RBFOX1: variants seen among roughly 807,000 people sequenced by gnomAD.
The protein encoded by RBFOX1 is RNA binding protein fox-1 homolog 1.
Under a neutral mutation model 57.7 loss-of-function variants are expected in RBFOX1, and 8 were observed. The ratio of observed to expected loss-of-function variants is 0.14; its 90% confidence interval spans 0.08 to 0.25. The LOEUF (loss-of-function observed/expected upper bound fraction) is 0.25, where lower values mean the gene tolerates loss of function less well. Among genes scored for constraint, RBFOX1 ranks in the 10% least tolerant of loss-of-function variants. RBFOX1 has a pLI of 1.00. For synonymous variants in RBFOX1, 326 were observed against 222.4 expected, an observed-to-expected ratio of 1.47 and a Z score of -4.15; for missense variants, 611 against 548.5, an observed-to-expected ratio of 1.11 and a Z score of -1.14.
intron 1 of RBFOX1, among the ~76,000 whole-genome samples, chr16:6,171,839 T>G (rs1427308674): frequency 2.0e-5 from 3 of 152,082 alleles, no homozygotes; most frequent in Non-Finnish European, 4.4e-5. Flanking sequence ...TTTATTCTTT[T>G]AAGACAGAGT....
intron 2 of RBFOX1, among the ~76,000 whole-genome samples, chr16:6,412,809 C>T (rs1056555992): frequency 1.3e-5 from 2 of 152,098 alleles, no homozygotes; most frequent in African/African-American, 4.8e-5. Flanking sequence ...ATTGTGAGCC[C>T]GACATGCTTA....
intron 1 of RBFOX1, among the ~76,000 whole-genome samples, chr16:6,096,228 C>T (rs2096243787): frequency 6.6e-6 from 1 of 151,940 alleles, no homozygotes; most frequent in East Asian, 1.9e-4. Context: ...CTGAATTATT[C>T]CATAGTGGGA....
At chr16:5,709,827 A>T (rs1325108776) in intron 3 of RBFOX1, among the ~76,000 whole-genome samples, 1 of 11,546 alleles carries the variant, frequency 8.7e-5, no homozygotes, top group African/African-American at 4.1e-4. Context: ...ATATATATAT[A>T]TATATATATA....
chr16:6,936,511 C>T (rs887902353), intron 3 of RBFOX1, among the ~76,000 whole-genome samples: 5 of 152,058 alleles, frequency 3.3e-5, no homozygotes, highest in African/African-American at 9.7e-5. Context: ...GACTATGTAT[C>T]CAGAAACGTA....
chr16:6,322,979 C>T (rs1403754446), intron 2 of RBFOX1, among the ~76,000 whole-genome samples: 1 of 152,184 alleles, frequency 6.6e-6, no homozygotes. Context: ...TACATTTCCC[C>T]TATGAATATC....
intron 4 of RBFOX1, among the ~76,000 whole-genome samples, chr16:7,225,625 A>G (rs1347284065): frequency 1.3e-5 from 2 of 151,736 alleles, no homozygotes; most frequent in African/African-American, 4.8e-5. Flanking sequence ...AAGATAACTA[A>G]GCTGTGGTGG....
chr16:6,651,693 A>G (rs559235859), intron 2 of RBFOX1, among the ~76,000 whole-genome samples: 10 of 152,290 alleles, frequency 6.6e-5, no homozygotes, highest in Non-Finnish European at 1.2e-4. Context: ...GGGTTTGGCA[A>G]TCTCACTTCT....
At chr16:6,633,578 G>C (rs1312023362) in intron 2 of RBFOX1, among the ~76,000 whole-genome samples, 1 of 152,192 alleles carries the variant, frequency 6.6e-6, no homozygotes, top group East Asian at 1.9e-4. Context: ...ACAGGCCTGA[G>C]ACACTGCGCC....
intron 1 of RBFOX1, among the ~76,000 whole-genome samples, chr16:6,175,717 G>C (rs1035212001): frequency 2.0e-5 from 3 of 152,164 alleles, no homozygotes; most frequent in Admixed American, 6.5e-5. Flanking sequence ...ATTTCTAAGT[G>C]GTTCCCCATT....
At position 6,183,524 on chromosome 16, in the gene RBFOX1, A is replaced by AAATAAATAAATAAATG. The variant is rs1306043659; in HGVS notation, c.-126-133468_-126-133467insAAATAAATAAATGAAT. On this transcript the variant is annotated intron_variant, in intron 1 of 15. Coordinates refer to ENST00000550418, the MANE Select transcript of RBFOX1 (RefSeq NM_018723.4). ...TAAATAAATAAATAAATAAATAAAT[A>AAATAAATAAATAAATG]AATGTAAGGAGAATAGGATATGTTC... 8.0e-5 allele frequency among the ~76,000 whole-genome samples: 12 copies of AAATAAATAAATAAATG among 150,488 alleles called. No homozygotes were observed. The East Asian group carries it at 2.1e-3, about 27-fold the overall frequency.
At chr16:7,418,231 A>G (rs2098503658) in intron 4 of RBFOX1, among the ~76,000 whole-genome samples, 1 of 152,192 alleles carries the variant, frequency 6.6e-6, no homozygotes. Context: ...CTGGTTAAAA[A>G]GTTATTGCAG....
intron 4 of RBFOX1, among the ~76,000 whole-genome samples, chr16:7,063,963 G>A (rs562586139): frequency 1.3e-5 from 2 of 152,120 alleles, no homozygotes; most frequent in Non-Finnish European, 2.9e-5. Context: ...TGACACCAAG[G>A]TCCATGGATA....
intron 3 of RBFOX1, among the ~76,000 whole-genome samples, chr16:6,911,353 G>C (rs1277078886): frequency 3.3e-5 from 5 of 152,088 alleles, no homozygotes; most frequent in Admixed American, 2.0e-4. Flanking sequence ...CCAAGATCAA[G>C]GTGTCAGGAG....
chr16:6,119,614 A>C (rs2096533410), intron 1 of RBFOX1, among the ~76,000 whole-genome samples: 1 of 152,198 alleles, frequency 6.6e-6, no homozygotes, highest in African/African-American at 2.4e-5. Flanking sequence ...TTCAGTATTT[A>C]TATCATTATT....
At chr16:7,541,729 A>C (rs762066814) in intron 5 of RBFOX1, among the ~76,000 whole-genome samples, 21 of 152,228 alleles carry the variant, frequency 1.4e-4, no homozygotes, top group Non-Finnish European at 2.9e-4. Flanking sequence ...GCAAGCAGCC[A>C]TGCTTTCCTA....
chr16:5,864,318 G>T (rs1047338106), intron 3 of RBFOX1, among the ~76,000 whole-genome samples: 1 of 152,122 alleles, frequency 6.6e-6, no homozygotes, highest in Non-Finnish European at 1.5e-5. Flanking sequence ...TGGTTTAAAC[G>T]TATATTTAAT....
At chr16:7,018,909 A>G (rs564425590) in intron 3 of RBFOX1, among the ~76,000 whole-genome samples, 1 of 152,192 alleles carries the variant, frequency 6.6e-6, no homozygotes, top group African/African-American at 2.4e-5. Flanking sequence ...TCTTGAGCTC[A>G]GGAGTTCAAG....
At position 5,899,144 on chromosome 16, in the gene RBFOX1, CAAA is replaced by C. The variant is rs35163906; in HGVS notation, c.351+31829_351+31831del. ...CAGGAAACAGAGCGAGACCCTGTCT[CAAA>C]AAAAAAAAAAAAAAAAAAATAGGCT... On this transcript the variant is annotated intron_variant, in intron 4 of 19. Coordinates refer to the RBFOX1 transcript ENST00000641259. Among the ~76,000 whole-genome samples, 205 of 100,048 alleles carry C rather than the reference CAAA, an allele frequency of 2.0e-3. 1 individual carries two copies. Among genetic ancestry groups the C allele is most frequent in the South Asian group, 5.0e-3 (15 of 2,974 alleles). The allele number at this position is 100,048 out of a possible 152,430, so 65.6% of individuals were successfully genotyped here.
At chr16:6,107,538 T>C (rs1328398030) in intron 1 of RBFOX1, among the ~76,000 whole-genome samples, 2 of 152,124 alleles carry the variant, frequency 1.3e-5, no homozygotes, top group Non-Finnish European at 2.9e-5. Context: ...AAGTTAGATA[T>C]TGCTTTTCAG....
Sources: allele counts gnomAD v4.1 joint callset (sites outside exome capture counted in the v4.1 genomes callset), GRCh38; gene constraint gnomAD v4.1.1; transcripts MANE v1.5; gene names NCBI Gene and HGNC (gene_info 2026-07-23, HGNC 2026-07-21).